The following PCSK2 variants were observed in gnomAD, a reference collection of about 807,000 sequenced individuals.
The protein encoded by PCSK2 is proprotein convertase subtilisin/kexin type 2, also known as neuroendocrine convertase 2.
PCSK2 carries 14 observed loss-of-function variants against 69.7 expected under a neutral mutation model. The observed-to-expected ratio is 0.20, with a 90% confidence interval of 0.13 to 0.31. The LOEUF (loss-of-function observed/expected upper bound fraction) is 0.31, where lower values mean the gene tolerates loss of function less well. Among genes scored for constraint, PCSK2 ranks in the 10% least tolerant of loss-of-function variants. The pLI is 1.00. For missense variants in PCSK2, 544 were observed against 842.5 expected (o/e 0.65, Z 4.39); for synonymous variants, 307 against 320.7 (o/e 0.96, Z 0.46).
At chr20:17,428,406 A>ACG (rs150120094) in intron 6 of PCSK2, among the ~76,000 whole-genome samples, 3 of 151,056 alleles carry the variant, frequency 2.0e-5, no homozygotes, top group African/African-American at 7.3e-5. Flanking sequence ...GAGAAAGAAA[A>ACG]TGTGTGTGTG....
intron 2 of PCSK2, among the ~76,000 whole-genome samples, chr20:17,328,894 A>G (rs1990138696): frequency 6.6e-6 from 1 of 152,186 alleles, no homozygotes; most frequent in Non-Finnish European, 1.5e-5. Flanking sequence ...GTCAATTAGT[A>G]TCTAAACTTT....
chr20:17,425,475 G>T (rs1253488633), intron 6 of PCSK2, among the ~76,000 whole-genome samples: 1 of 152,114 alleles, frequency 6.6e-6, no homozygotes, highest in African/African-American at 2.4e-5. Context: ...CTTTTTGTGG[G>T]ATCCTTCAAA....
At chr20:17,425,132 G>C (rs1445875589) in intron 6 of PCSK2, among the ~76,000 whole-genome samples, 1 of 152,164 alleles carries the variant, frequency 6.6e-6, no homozygotes, top group Non-Finnish European at 1.5e-5. Flanking sequence ...GTTTGGCTTT[G>C]ATAGACTTGG....
chr20:17,252,165 C>T (rs920636241), intron 1 of PCSK2, among the ~76,000 whole-genome samples: 11 of 152,116 alleles, frequency 7.2e-5, no homozygotes, highest in African/African-American at 1.2e-4. Context: ...TCATGTTCCC[C>T]AGATGCAAGG....
Position 17,275,179 on chromosome 20 carries a change from G to A in PCSK2, c.282+14835G>A, listed in dbSNP as rs1198804426. ...GTCCCTTTCTTGTTTAAATTTATTC[G>A]AGTTTAAGAAATCAATGCATTTGAA... On this transcript the variant is annotated intron_variant, in intron 2 of 11. Transcript: ENST00000262545. 2.7e-5 allele frequency among the ~76,000 whole-genome samples: 4 copies of A among 150,668 alleles called. No individual in the cohort carries two copies. In the East Asian group the frequency reaches 5.8e-4, roughly 22 times the overall value.
rs533615480 is a variant in PCSK2, at chr20:17,351,146, G to A, written c.283-7181G>A. Among the ~76,000 whole-genome samples the A allele has an allele frequency of 6.6e-5, 10 of 152,204 alleles. No homozygotes were observed. The South Asian group carries it at 2.1e-3, about 32-fold the overall frequency. ...CTTCATCTTAGCATGGTCATAACTG[G>A]CACATCATAGAGAGACTAGAGGTGG... On this transcript the variant is annotated intron_variant, in intron 2 of 11. Transcript: ENST00000262545.
chr20:17,344,664 T>C (rs1020148639), intron 2 of PCSK2, among the ~76,000 whole-genome samples: 2 of 152,100 alleles, frequency 1.3e-5, no homozygotes, highest in East Asian at 3.9e-4. Flanking sequence ...ATTGAAAACC[T>C]ACAAGAAACA....
intron 6 of PCSK2, among the ~76,000 whole-genome samples, chr20:17,416,496 G>A (rs1327432239): frequency 6.6e-6 from 1 of 152,176 alleles, no homozygotes; most frequent in Non-Finnish European, 1.5e-5. Flanking sequence ...CAGTTAGAAT[G>A]GTGATCATTA....
rs141758123 is a variant in PCSK2 at position 17,467,577 on chromosome 20, C to T, written c.1430+2024C>T. On this transcript the variant is annotated intron_variant, in intron 11 of 11. Coordinates refer to ENST00000262545, the MANE Select transcript of PCSK2 (RefSeq NM_002594.5). ...GAGCTAATGCCACTCTGCTTTGTGG[C>T]CTGCATTCATAATCGAAAGAGAAGA... is the stretch of plus-strand genomic sequence containing the variant. Among the ~76,000 whole-genome samples, 1,203 of 152,184 alleles carry T rather than the reference C, an allele frequency of 7.9e-3. 7 individuals carry two copies. The highest frequency in any genetic ancestry group is 0.013 in the Non-Finnish European group (895 of 68,016).
chr20:17,391,977 G>A (rs192163550), intron 5 of PCSK2, among the ~76,000 whole-genome samples: 1 of 146,876 alleles, frequency 6.8e-6, no homozygotes, highest in Non-Finnish European at 1.5e-5. Context: ...AGGAAGGAAG[G>A]GAAGGGAAGG....
At chr20:17,373,975 T>C (rs924622494) in intron 5 of PCSK2, among the ~76,000 whole-genome samples, 1 of 152,208 alleles carries the variant, frequency 6.6e-6, no homozygotes, top group Non-Finnish European at 1.5e-5. Flanking sequence ...AAGTTCACTA[T>C]TCCAAATAAT....
At chr20:17,293,836 C>T (rs1025285883) in intron 2 of PCSK2, among the ~76,000 whole-genome samples, 1 of 152,108 alleles carries the variant, frequency 6.6e-6, no homozygotes, top group African/African-American at 2.4e-5. Context: ...GAACTGGAAC[C>T]TTCGTGTTTT....
At chr20:17,394,188 T>C (rs537416813) in intron 5 of PCSK2, among the ~76,000 whole-genome samples, 2 of 152,322 alleles carry the variant, frequency 1.3e-5, no homozygotes, top group South Asian at 4.1e-4. Context: ...ATAATTTTGT[T>C]AATGTTCAGA....
At chr20:17,336,443 C>A (rs6044742) in intron 2 of PCSK2, among the ~76,000 whole-genome samples, 1 of 152,150 alleles carries the variant, frequency 6.6e-6, no homozygotes, top group Non-Finnish European at 1.5e-5. Context: ...CAGCACTGTG[C>A]GAATGTCACT....
chr20:17,329,891 T>C (rs1990166946), intron 2 of PCSK2, among the ~76,000 whole-genome samples: 1 of 152,244 alleles, frequency 6.6e-6, no homozygotes, highest in African/African-American at 2.4e-5. Flanking sequence ...ACCCCGGAGG[T>C]AATCATTATT....
At chr20:17,323,341 A>G (rs977158624) in intron 2 of PCSK2, among the ~76,000 whole-genome samples, 3 of 152,206 alleles carry the variant, frequency 2.0e-5, no homozygotes, top group African/African-American at 7.2e-5. Context: ...TCTGCAAGCC[A>G]AGGAGAGGTG....
intron 2 of PCSK2, among the ~76,000 whole-genome samples, chr20:17,328,571 A>T (rs1990127430): frequency 6.6e-6 from 1 of 152,098 alleles, no homozygotes; most frequent in South Asian, 2.1e-4. Context: ...TGCAGCTTTA[A>T]ATGACAGTTT....
At chr20:17,399,505 G>T (rs1048852115) in intron 5 of PCSK2, among the ~76,000 whole-genome samples, 1 of 152,146 alleles carries the variant, frequency 6.6e-6, no homozygotes, top group Non-Finnish European at 1.5e-5. Context: ...TAAATGCAAC[G>T]TAAGCAACTG....
intron 1 of PCSK2, among the ~76,000 whole-genome samples, chr20:17,237,269 G>A (rs1424588737): frequency 6.6e-6 from 1 of 152,202 alleles, no homozygotes; most frequent in Admixed American, 6.5e-5. Flanking sequence ...GTTCATGGAA[G>A]TGAATTATCA....
Sources: allele counts gnomAD v4.1 joint callset (sites outside exome capture counted in the v4.1 genomes callset), GRCh38; gene constraint gnomAD v4.1.1; transcripts MANE v1.5; gene names NCBI Gene and HGNC (gene_info 2026-07-23, HGNC 2026-07-21).